Variants in CADM1 observed in about 807,000 individuals in gnomAD.
CADM1 encodes cell adhesion molecule 1.
Under a neutral mutation model 53.1 loss-of-function variants are expected in CADM1, and 15 were observed. The ratio of observed to expected loss-of-function variants is 0.28; its 90% confidence interval spans 0.19 to 0.44. The LOEUF (loss-of-function observed/expected upper bound fraction) is 0.44, where lower values mean the gene tolerates loss of function less well. Among genes scored for constraint, CADM1 ranks in the 20% least tolerant of loss-of-function variants. The pLI, the probability that CADM1 is intolerant of heterozygous loss-of-function variation, is 1.00. For missense variants in CADM1, 434 were observed against 611.3 expected, an observed-to-expected ratio of 0.71 and a Z score of 3.06; for synonymous variants, 281 against 243.0, an observed-to-expected ratio of 1.16 and a Z score of -1.45.
intron 1 of CADM1, among the ~76,000 whole-genome samples, chr11:115,328,969 CTATTAGT>C (rs897223646): frequency 6.0e-5 from 9 of 150,626 alleles, no homozygotes; most frequent in African/African-American, 2.2e-4. Flanking sequence ...TTTTTTACTT[CTATTAGT>C]TATTTTTATA....
At chr11:115,400,659 GTGTATATATATATATA>G (rs1242685928) in intron 1 of CADM1, among the ~76,000 whole-genome samples, 2 of 38,670 alleles carry the variant, frequency 5.2e-5, no homozygotes, top group African/African-American at 8.2e-5. Flanking sequence ...GTGTGTGTGT[GTGTATATATATATATA>G]TATATATATA....
chr11:115,490,524 G>A (rs550286519), intron 1 of CADM1, among the ~76,000 whole-genome samples: 18 of 148,478 alleles, frequency 1.2e-4, no homozygotes, highest in East Asian at 2.1e-4. Context: ...TCAGCCACCC[G>A]AGTAGCTGGG....
intron 1 of CADM1, among the ~76,000 whole-genome samples, chr11:115,391,230 A>T (rs1946828597): frequency 6.6e-6 from 1 of 152,258 alleles, no homozygotes; most frequent in African/African-American, 2.4e-5. Context: ...ATTTAAATGA[A>T]CAAAAATAAA....
intron 1 of CADM1, among the ~76,000 whole-genome samples, chr11:115,474,944 T>A (rs1204141300): frequency 6.6e-6 from 1 of 152,174 alleles, no homozygotes; most frequent in Non-Finnish European, 1.5e-5. Flanking sequence ...TTGACAAGGA[T>A]TTAGAGAAAC....
chr11:115,339,949 T>G (rs1945381237), intron 1 of CADM1: 1 of 152,162 alleles, frequency 6.6e-6, no homozygotes, highest in Non-Finnish European at 1.5e-5. Flanking sequence ...CCACGTATTC[T>G]AAGTTATTCT....
intron 1 of CADM1, among the ~76,000 whole-genome samples, chr11:115,485,558 T>C (rs1949355630): frequency 6.6e-6 from 1 of 152,198 alleles, no homozygotes. Context: ...TCCCCCATAC[T>C]GTTTGCTTGT....
At chr11:115,263,865 T>C (rs11215455) in intron 1 of CADM1, among the ~76,000 whole-genome samples, 26,835 of 152,174 alleles carry the variant, frequency 0.18, 2,581 homozygotes, top group South Asian at 0.34. Flanking sequence ...GATAGAGGAA[T>C]AGTAGTACGT....
At chr11:115,176,906 G>A (rs910326906) in intron 11 of CADM1, among the ~76,000 whole-genome samples, 1 of 152,200 alleles carries the variant, frequency 6.6e-6, no homozygotes, top group African/African-American at 2.4e-5. Flanking sequence ...GAGAGGGGCT[G>A]ACTAACGTAT....
intron 1 of CADM1, among the ~76,000 whole-genome samples, chr11:115,469,934 A>T (rs1166414933): frequency 6.6e-6 from 1 of 152,114 alleles, no homozygotes; most frequent in Non-Finnish European, 1.5e-5. Flanking sequence ...CGGCCTCCCA[A>T]ATTGCTGGGA....
chr11:115,276,907 T>C (rs139235661), intron 1 of CADM1, among the ~76,000 whole-genome samples: 32 of 152,308 alleles, frequency 2.1e-4, no homozygotes, highest in African/African-American at 7.5e-4. Flanking sequence ...GTTTCTTCCC[T>C]GCACCAAGCA....
intron 1 of CADM1, among the ~76,000 whole-genome samples, chr11:115,436,856 A>G (rs1948195470): frequency 6.6e-6 from 1 of 152,206 alleles, no homozygotes; most frequent in African/African-American, 2.4e-5. Context: ...GAAAAAAGGC[A>G]TCTTCCAGTG....
intron 1 of CADM1, among the ~76,000 whole-genome samples, chr11:115,319,428 T>C (rs902333392): frequency 6.6e-6 from 1 of 152,214 alleles, no homozygotes; most frequent in African/African-American, 2.4e-5. Context: ...GGAAGCACCA[T>C]ACGTGCCCTG....
intron 1 of CADM1, among the ~76,000 whole-genome samples, chr11:115,352,786 C>A (rs1377349108): frequency 3.9e-5 from 6 of 152,092 alleles, no homozygotes; most frequent in African/African-American, 1.4e-4. Flanking sequence ...TTATTATTAT[C>A]CCCATCTTGC....
At chr11:115,214,824 C>T (rs777874833) in intron 6 of CADM1, 44 bp from the exon 7 acceptor site, 1 of 1,591,854 alleles carries the variant, frequency 6.3e-7, no homozygotes, top group South Asian at 1.1e-5. Context: ...TATCATTCCC[C>T]ATTGCATCAA....
At chr11:115,275,535 A>G (rs912889367) in intron 1 of CADM1, among the ~76,000 whole-genome samples, 1 of 152,246 alleles carries the variant, frequency 6.6e-6, no homozygotes, top group Admixed American at 6.5e-5. Context: ...AAAGGTGTAC[A>G]CAGTTCTTTG....
chr11:115,437,967 T>A (rs893867303), intron 1 of CADM1, among the ~76,000 whole-genome samples: 1 of 152,166 alleles, frequency 6.6e-6, no homozygotes, highest in Admixed American at 6.5e-5. Context: ...AGGCTCCACA[T>A]GAAAGAAAAC....
intron 1 of CADM1, among the ~76,000 whole-genome samples, chr11:115,383,808 G>A (rs1228794383): frequency 6.6e-6 from 1 of 152,102 alleles, no homozygotes; most frequent in African/African-American, 2.4e-5. Flanking sequence ...TAACCCAAAT[G>A]GCTGATCTTT....
At chr11:115,376,944 T>C (rs1266365524) in intron 1 of CADM1, among the ~76,000 whole-genome samples, 1 of 152,190 alleles carries the variant, frequency 6.6e-6, no homozygotes, top group Non-Finnish European at 1.5e-5. Context: ...AAGTCATTTG[T>C]CATCAGCAAA....
At chr11:115,185,993 T>A (rs1939527005) in intron 10 of CADM1, among the ~76,000 whole-genome samples, 1 of 152,178 alleles carries the variant, frequency 6.6e-6, no homozygotes, top group Non-Finnish European at 1.5e-5. Flanking sequence ...ACTTTTTAAC[T>A]TTGGAAGAAA....
Sources: allele counts gnomAD v4.1 joint callset (sites outside exome capture counted in the v4.1 genomes callset), GRCh38; gene constraint gnomAD v4.1.1; transcripts MANE v1.5; gene names NCBI Gene and HGNC (gene_info 2026-07-23, HGNC 2026-07-21).